The following CCNY variants were observed in gnomAD, a reference collection of about 807,000 sequenced individuals.
The protein encoded by CCNY is cyclin Y, also known as cyclin-Y.
CCNY carries 19 observed loss-of-function variants against 42.8 expected under a neutral mutation model. The ratio of observed to expected loss-of-function variants is 0.44; its 90% confidence interval spans 0.31 to 0.65. The LOEUF is 0.65. Among genes scored for constraint, CCNY ranks in the 30% least tolerant of loss-of-function variants. CCNY has a pLI of 0.07. For synonymous variants in CCNY, 165 were observed against 162.7 expected (o/e 1.01, Z -0.11); for missense variants, 370 against 437.3 (o/e 0.85, Z 1.37).
At chr10:35,404,301 T>C (rs778608717) in intron 1 of CCNY, among the ~76,000 whole-genome samples, 1 of 152,168 alleles carries the variant, frequency 6.6e-6, no homozygotes, top group Non-Finnish European at 1.5e-5. Context: ...CTGGTTCTTG[T>C]GTAAGAATTC....
intron 8 of CCNY, among the ~76,000 whole-genome samples, chr10:35,565,054 A>C (rs1220993597): frequency 6.6e-6 from 1 of 152,142 alleles, no homozygotes; most frequent in Non-Finnish European, 1.5e-5. Flanking sequence ...ATGACCCAGG[A>C]CCAGTGCTCC....
chr10:35,315,613 C>T (rs1835750985), intron 3 of CCNY, among the ~76,000 whole-genome samples: 1 of 152,112 alleles, frequency 6.6e-6, no homozygotes, highest in Non-Finnish European at 1.5e-5. Flanking sequence ...ATTTATATTC[C>T]TTTGGGTATA....
At chr10:35,383,388 A>G (rs1837234530) in intron 1 of CCNY, among the ~76,000 whole-genome samples, 1 of 151,878 alleles carries the variant, frequency 6.6e-6, no homozygotes, top group Non-Finnish European at 1.5e-5. Context: ...GCTCACTGCA[A>G]CCTTTGCCTC....
chr10:35,378,723 CGATCCTTACCAT>C (rs1837110572), intron 1 of CCNY, among the ~76,000 whole-genome samples: 1 of 151,946 alleles, frequency 6.6e-6, no homozygotes, highest in African/African-American at 2.4e-5. Flanking sequence ...CTGCCCCGTT[CGATCCTTACCAT>C]GATCTTACTA....
chr10:35,384,596 A>G (rs1837263228), intron 1 of CCNY, among the ~76,000 whole-genome samples: 1 of 152,200 alleles, frequency 6.6e-6, no homozygotes. Flanking sequence ...TTTCACAGCT[A>G]CTTGGCTTTC....
chr10:35,282,105 A>T (rs1288960062), intron 3 of CCNY, among the ~76,000 whole-genome samples: 2 of 137,702 alleles, frequency 1.5e-5, no homozygotes, highest in East Asian at 2.2e-4. Flanking sequence ...AATCTTCCTC[A>T]TCTACACCCT....
chr10:35,383,253 C>T (rs151126666), intron 1 of CCNY, among the ~76,000 whole-genome samples: 347 of 151,754 alleles, frequency 2.3e-3, no homozygotes, highest in Non-Finnish European at 4.2e-3. Context: ...CAATATTCAG[C>T]GTATGAAACT....
In CCNY at chr10:35,526,573, A is replaced by T. The variant is rs146006749; in HGVS notation, c.401+574A>T. On this transcript the variant is annotated intron_variant, in intron 5 of 9. Coordinates refer to ENST00000374704, the MANE Select transcript of CCNY (RefSeq NM_145012.6). ...TCATTTGCCAGTTTTTAAAAATGCA[A>T]CTTCAAGACATTTGCTTCAAGCACA... Among the ~76,000 whole-genome samples the T allele has an allele frequency of 5.1e-3, 782 of 152,346 alleles. 7 individuals carry two copies. Among genetic ancestry groups the T allele is most frequent in the Non-Finnish European group, 4.8e-3 (329 of 68,038 alleles).
chr10:35,488,426 C>T, intron 2 of CCNY, among the ~76,000 whole-genome samples: 1 of 152,152 alleles, frequency 6.6e-6, no homozygotes, highest in Non-Finnish European at 1.5e-5. Context: ...CGAGCGCTGC[C>T]ATGGCCTTGC....
At chr10:35,343,764 G>A (rs560170100) in intron 1 of CCNY, among the ~76,000 whole-genome samples, 18 of 152,268 alleles carry the variant, frequency 1.2e-4, no homozygotes, top group Admixed American at 3.3e-4. Flanking sequence ...CCAGCAAGGG[G>A]CAGAACCAAA....
chr10:35,437,217 AGT>A (rs1205320609), intron 1 of CCNY, among the ~76,000 whole-genome samples: 1 of 152,220 alleles, frequency 6.6e-6, no homozygotes, highest in African/African-American at 2.4e-5. Context: ...AAATCATATC[AGT>A]GTCACTTGAC....
upstream of CCNY, among the ~76,000 whole-genome samples, chr10:35,332,603 A>C (rs979730553): frequency 6.6e-6 from 1 of 152,208 alleles, no homozygotes; most frequent in African/African-American, 2.4e-5. Context: ...ACTTAGCTAT[A>C]GTTCATCTGA....
intron 1 of CCNY, among the ~76,000 whole-genome samples, chr10:35,361,663 T>C (rs1347655424): frequency 6.6e-6 from 1 of 152,232 alleles, no homozygotes; most frequent in Non-Finnish European, 1.5e-5. Context: ...TTCTGCTCAC[T>C]GTCTTCACTA....
intron 1 of CCNY, among the ~76,000 whole-genome samples, chr10:35,397,222 G>A (rs914911017): frequency 1.3e-5 from 2 of 152,248 alleles, no homozygotes; most frequent in South Asian, 2.1e-4. Context: ...TGTTGAAGTT[G>A]TTCTGGTAGC....
At chr10:35,391,793 T>C (rs944461497) in intron 1 of CCNY, among the ~76,000 whole-genome samples, 2 of 152,140 alleles carry the variant, frequency 1.3e-5, no homozygotes, top group African/African-American at 4.8e-5. Context: ...TTTGTGATTC[T>C]TCTCCCTGCC....
At chr10:35,470,124 T>G (rs1428754872) in intron 1 of CCNY, among the ~76,000 whole-genome samples, 16 of 97,164 alleles carry the variant, frequency 1.6e-4, no homozygotes, top group African/African-American at 2.1e-4. Context: ...GAGAGAAAGA[T>G]AGGGCGATGG....
At chr10:35,284,158 T>C (rs1835328839) in intron 3 of CCNY, among the ~76,000 whole-genome samples, 1 of 152,158 alleles carries the variant, frequency 6.6e-6, no homozygotes, top group Non-Finnish European at 1.5e-5. Flanking sequence ...CTGTACATAT[T>C]TCAAGTGTGT....
intron 3 of CCNY, among the ~76,000 whole-genome samples, chr10:35,253,751 T>C (rs2095713573): frequency 6.6e-6 from 1 of 151,998 alleles, no homozygotes; most frequent in East Asian, 1.9e-4. Flanking sequence ...AAACAACAAC[T>C]GAATAGTGTT....
intron 3 of CCNY, among the ~76,000 whole-genome samples, chr10:35,515,732 T>G (rs2135407065): frequency 6.6e-6 from 1 of 152,350 alleles, no homozygotes; most frequent in African/African-American, 2.4e-5. Context: ...GTACTAATCA[T>G]ATTGCCCGAT....
Sources: gnomAD v4.1 joint callset for allele counts (sites outside exome capture counted in the v4.1 genomes callset) on GRCh38, gnomAD v4.1.1 for gene constraint, MANE v1.5 for transcripts, NCBI Gene and HGNC (gene_info 2026-07-23, HGNC 2026-07-21) for gene names.